The following GOLPH3 variants were observed in gnomAD, a reference collection of about 807,000 sequenced individuals.
GOLPH3 encodes coat protein GPP34.
In GOLPH3, 14 loss-of-function variants were observed where a neutral mutation model predicts 28.5. The observed-to-expected ratio is 0.49, with a 90% confidence interval of 0.32 to 0.77. The LOEUF (loss-of-function observed/expected upper bound fraction) is 0.77, where lower values mean the gene tolerates loss of function less well. Among genes scored for constraint, GOLPH3 ranks in the 30% least tolerant of loss-of-function variants. The probability of loss-of-function intolerance (pLI) is 0.03; values close to 1 mark genes in which losing one functional copy is unlikely to be tolerated. For missense variants in GOLPH3, 350 were observed against 393.7 expected (o/e 0.89, Z 0.94); for synonymous variants, 158 against 159.2 (o/e 0.99, Z 0.06).
chr5:32,154,342 GAT>G (rs563037634), intron 1 of GOLPH3, among the ~76,000 whole-genome samples: 121 of 152,320 alleles, frequency 7.9e-4, no homozygotes, highest in African/African-American at 2.8e-3. Context: ...ATGAATTTGT[GAT>G]ATATGTGCTT....
At chr5:32,166,925 T>C (rs1746727158) in intron 1 of GOLPH3, among the ~76,000 whole-genome samples, 1 of 151,992 alleles carries the variant, frequency 6.6e-6, no homozygotes, top group Admixed American at 6.6e-5. Flanking sequence ...TTTTATACTA[T>C]TTAATCTGAT....
At chr5:32,141,876 T>C (rs1047162587) in intron 2 of GOLPH3, among the ~76,000 whole-genome samples, 4 of 141,600 alleles carry the variant, frequency 2.8e-5, no homozygotes, top group South Asian at 2.3e-4. Context: ...GGTGCCGGGA[T>C]TGCAGACGGA....
intron 1 of GOLPH3, among the ~76,000 whole-genome samples, chr5:32,171,305 T>A (rs578130060): frequency 2.0e-5 from 3 of 151,964 alleles, no homozygotes; most frequent in African/African-American, 7.2e-5. Context: ...GCAAAAAAAA[T>A]TTCATAATGT....
Position 32,143,853 on chromosome 5 carries a change from T to C in GOLPH3, c.253A>G (p.Ile85Val). 1.3e-6 allele frequency: 2 copies of C among 1,581,708 alleles called. No homozygotes were observed. The highest frequency in any genetic ancestry group is 1.7e-6 in the Non-Finnish European group (2 of 1,166,894). The change falls in exon 2 of 4, where the codon ATA becomes GTA. Residue 85 changes from isoleucine (I) to valine (V), a missense_variant. By Grantham distance (29) the Ile-to-Val change is conservative. Transcript: ENST00000265070. ...ATACAGCCACGTAATCCAGATGATA[T>C]ACAGTCATTCCAAAATGATGTGTAA... The part of the protein sequence containing the change: ...EGYTSFWNDC[I>V]SSGLRGCMLI...
At chr5:32,143,284 A>G (rs918850839) in intron 2 of GOLPH3, among the ~76,000 whole-genome samples, 9 of 151,316 alleles carry the variant, frequency 5.9e-5, no homozygotes, top group African/African-American at 2.2e-4. Flanking sequence ...CCACTCCCTA[A>G]TCTCAAGTAC....
intron 1 of GOLPH3, among the ~76,000 whole-genome samples, chr5:32,146,769 T>A (rs1310243985): frequency 6.6e-6 from 1 of 152,200 alleles, no homozygotes; most frequent in Non-Finnish European, 1.5e-5. Context: ...TAATATATAT[T>A]CTACATGAGA....
At chr5:32,155,539 A>C (rs1489704023) in intron 1 of GOLPH3, among the ~76,000 whole-genome samples, 1 of 152,150 alleles carries the variant, frequency 6.6e-6, no homozygotes, top group Non-Finnish European at 1.5e-5. Flanking sequence ...TTACCAAAAA[A>C]ACTAAGCCAA....
chr5:32,127,577 C>T (rs1745712057), intron 3 of GOLPH3, among the ~76,000 whole-genome samples: 1 of 152,192 alleles, frequency 6.6e-6, no homozygotes, highest in Admixed American at 6.5e-5. Flanking sequence ...GCACTAGCCA[C>T]ATTTCACGTA....
chr5:32,161,926 C>CT (rs1255244695), intron 1 of GOLPH3, among the ~76,000 whole-genome samples: 1 of 151,020 alleles, frequency 6.6e-6, no homozygotes, highest in Non-Finnish European at 1.5e-5. Flanking sequence ...ACTCGGGAGG[C>CT]TGAGGCAGGA....
chr5:32,127,001 G>T (rs531747303), intron 3 of GOLPH3, among the ~76,000 whole-genome samples: 1 of 152,004 alleles, frequency 6.6e-6, no homozygotes, highest in Non-Finnish European at 1.5e-5. Context: ...ACACCAGTCT[G>T]CAACTAATAG....
intron 1 of GOLPH3, among the ~76,000 whole-genome samples, chr5:32,162,800 C>T (rs191336810): frequency 2.0e-4 from 30 of 152,302 alleles, no homozygotes; most frequent in African/African-American, 6.3e-4. Flanking sequence ...GGCCCATGGC[C>T]GGGCGCGGTG....
Position 32,174,153 on chromosome 5 carries a change from C to G in GOLPH3, c.-119G>C, listed in dbSNP as rs1561692498. ...GTGTTAAATCCGGACGCCGGGGCGA[C>G]GTCCGTCGGCAGCAGGGCCGGGGGC... is the stretch of plus-strand genomic sequence containing the variant. On this transcript the variant is annotated 5_prime_UTR_variant, in exon 1 of 4. Coordinates refer to ENST00000265070, the MANE Select transcript of GOLPH3 (RefSeq NM_022130.4). The G allele has an allele frequency of 4.9e-6, 3 of 606,382 alleles. No individual in the cohort carries two copies. The highest frequency in any genetic ancestry group is 4.5e-5 in the Admixed American group (1 of 22,258). 37.6% of individuals were successfully genotyped at this position (606,382 alleles called of 1,614,324 possible).
chr5:32,162,774 A>G (rs1746615349), intron 1 of GOLPH3, among the ~76,000 whole-genome samples: 1 of 152,090 alleles, frequency 6.6e-6, no homozygotes, highest in Non-Finnish European at 1.5e-5. Flanking sequence ...AGGCTTTCGG[A>G]CAGAACACAA....
In GOLPH3 at chr5:32,126,422, A is replaced by AG; in HGVS notation, c.686dup (p.His230SerfsTer33). On this transcript the variant is annotated frameshift_variant, in exon 4 of 4. Transcript: ENST00000265070. LOFTEE classifies it high-confidence loss of function. ...CCAGCAAGCGCCTGTCCATGCGGTG[A>AG]GGGTCATTCACCCATTTGTCAAGAA... The AG allele has an allele frequency of 6.2e-7, 1 of 1,614,190 alleles. No individual in the cohort carries two copies.
chr5:32,144,468 T>C (rs750855789), intron 1 of GOLPH3, among the ~76,000 whole-genome samples: 3 of 152,168 alleles, frequency 2.0e-5, no homozygotes, highest in African/African-American at 4.8e-5. Context: ...TGCACACCTG[T>C]AGTCGCAGCT....
At chr5:32,173,378 G>A (rs1746891217) in intron 1 of GOLPH3, among the ~76,000 whole-genome samples, 1 of 151,784 alleles carries the variant, frequency 6.6e-6, no homozygotes, top group Non-Finnish European at 1.5e-5. Flanking sequence ...GCAGATCCGG[G>A]CACCCCTCCC....
chr5:32,160,155 T>C (rs911864557), intron 1 of GOLPH3, among the ~76,000 whole-genome samples: 1 of 152,110 alleles, frequency 6.6e-6, no homozygotes, highest in South Asian at 2.1e-4. Flanking sequence ...GCTATGATTA[T>C]ACAACTGCAC....
chr5:32,142,012 T>A (rs1439878959), intron 2 of GOLPH3, among the ~76,000 whole-genome samples: 2 of 152,172 alleles, frequency 1.3e-5, no homozygotes, highest in Admixed American at 6.5e-5. Context: ...CTGCAGCCTC[T>A]GCCCGGCCGC....
chr5:32,149,701 T>C (rs1561671827), intron 1 of GOLPH3, among the ~76,000 whole-genome samples: 1 of 152,118 alleles, frequency 6.6e-6, no homozygotes, highest in Non-Finnish European at 1.5e-5. Context: ...TAAGAACTGT[T>C]AAAGAAGTAG....
Sources: allele counts gnomAD v4.1 joint callset (sites outside exome capture counted in the v4.1 genomes callset), GRCh38; gene constraint gnomAD v4.1.1; transcripts MANE v1.5; gene names NCBI Gene and HGNC (gene_info 2026-07-23, HGNC 2026-07-21).